ASCC2: variants seen among roughly 807,000 people sequenced by gnomAD.
ASCC2 encodes the protein activating signal cointegrator 1 complex subunit 2.
Under a neutral mutation model 93.5 loss-of-function variants are expected in ASCC2, and 42 were observed. That is an observed-to-expected ratio of 0.45 (90% CI 0.35 to 0.58). The LOEUF (loss-of-function observed/expected upper bound fraction) is 0.58, where lower values mean the gene tolerates loss of function less well. Among genes scored for constraint, ASCC2 ranks in the 20% least tolerant of loss-of-function variants. The pLI is 0.00. For missense variants in ASCC2, 859 were observed against 977.6 expected, an observed-to-expected ratio of 0.88 and a Z score of 1.62; for synonymous variants, 364 against 384.2, an observed-to-expected ratio of 0.95 and a Z score of 0.62.
At chr22:29,789,624 C>T (rs140149) in intron 19 of ASCC2, among the ~76,000 whole-genome samples, 46,140 of 152,122 alleles carry the variant, frequency 0.3, 8,267 homozygotes, top group East Asian at 0.59. Context: ...CCTTTCAGAC[C>T]ATCTTGACCA....
Position 29,793,345 on chromosome 22 carries a change from C to T in ASCC2, c.1919+15G>A, listed in dbSNP as rs967585697. On this transcript the variant is annotated intron_variant, in intron 17 of 19. Coordinates refer to ENST00000307790, the MANE Select transcript of ASCC2 (RefSeq NM_032204.5). Reference sequence around the variant, plus strand: ...GCTGCTCTGCCCTGGAACGCCACCCCCACTATGGCCTCACCTGCGGCTGAT... The same window carrying T: ...GCTGCTCTGCCCTGGAACGCCACCCTCACTATGGCCTCACCTGCGGCTGAT... 1 of 1,612,730 alleles carries T rather than the reference C, an allele frequency of 6.2e-7. No homozygotes were observed. Among genetic ancestry groups the T allele is most frequent in the Admixed American group, 1.7e-5 (1 of 60,028 alleles).
chr22:29,836,034 C>T (rs540916708), intron 1 of ASCC2, among the ~76,000 whole-genome samples: 1 of 152,086 alleles, frequency 6.6e-6, no homozygotes, highest in East Asian at 1.9e-4. Context: ...AGGTGGCTTC[C>T]GCCTGCAATC....
At position 29,825,186 on chromosome 22, in the gene ASCC2, C is replaced by G; in HGVS notation, c.312G>C (p.Glu104Asp). The change falls in exon 4 of 20, where the codon GAG becomes GAC. Residue 104 changes from glutamate (E) to aspartate (D), a missense_variant. Physicochemically the swap from Glu to Asp is conservative, Grantham distance 45 (BLOSUM62 2). Coordinates refer to ENST00000307790, the MANE Select transcript of ASCC2 (RefSeq NM_032204.5). This position sits in a 1 kb window ranked among gnomAD's most constrained non-coding sequence, Gnocchi z 4.9. ...CAACCTCAGGGGCTGAGGCCACCCC[C>G]TCGTCGAATTTGCGGGGGACATAGC... Reference protein sequence around the residue: ...YLRYVPRKFDEGVASAPEVVD... With the variant: ...YLRYVPRKFDDGVASAPEVVD... 1.3e-6 allele frequency: 2 copies of G among 1,565,072 alleles called. No homozygotes were observed. The highest frequency in any genetic ancestry group is 8.6e-7 in the Non-Finnish European group (1 of 1,156,834).
chr22:29,793,951 T>G (rs1402501768), intron 15 of ASCC2, among the ~76,000 whole-genome samples: 2 of 151,518 alleles, frequency 1.3e-5, no homozygotes, highest in African/African-American at 4.9e-5. Context: ...CAGGCTGCAG[T>G]GCAGTGGCAC....
At chr22:29,824,172 G>C (rs749780431) in intron 4 of ASCC2, among the ~76,000 whole-genome samples, 1 of 151,938 alleles carries the variant, frequency 6.6e-6, no homozygotes, top group Non-Finnish European at 1.5e-5. Flanking sequence ...TTGGGTGACA[G>C]AGATTCTCTA....
intron 16 of ASCC2, 29 bp downstream of exon 16, chr22:29,793,548 C>G: frequency 1.2e-6 from 2 of 1,613,624 alleles, no homozygotes; most frequent in Non-Finnish European, 1.7e-6. Context: ...TTTCCCTGGC[C>G]CAGCAGAGAC....
intron 2 of ASCC2, 35 bp downstream of exon 2, chr22:29,832,210 A>G (rs768771820): frequency 7.0e-6 from 11 of 1,560,948 alleles, no homozygotes; most frequent in Non-Finnish European, 8.8e-6. Flanking sequence ...AAGACTGACA[A>G]TATCAGGCTG....
At position 29,825,125 on chromosome 22, in the gene ASCC2, G is replaced by A; in HGVS notation, c.373C>T (p.Leu125Phe). Residue 125 changes from leucine to phenylalanine, a missense_variant, in exon 4 of 20, where the codon CTC becomes TTC. Coordinates refer to ENST00000307790, the MANE Select transcript of ASCC2 (RefSeq NM_032204.5). The surrounding 1 kb of genome is among the most constrained non-coding windows in gnomAD (Gnocchi z 4.9). ...MQKRLHRSVF[L>F]TFLRMSTHKE... ...TGAGTGGACATGCGGAGGAAGGTGAGAAAAACACTTCGATGGAGGCGCTTC... is the reference window on the plus strand; with the variant it reads ...TGAGTGGACATGCGGAGGAAGGTGAAAAAAACACTTCGATGGAGGCGCTTC... The A allele has an allele frequency of 1.3e-6, 2 of 1,531,212 alleles. No individual in the cohort carries two copies. Among genetic ancestry groups the A allele is most frequent in the Non-Finnish European group, 8.8e-7 (1 of 1,139,716 alleles). 94.9% of individuals were successfully genotyped at this position (1,531,212 alleles called of 1,614,324 possible).
intron 8 of ASCC2, among the ~76,000 whole-genome samples, chr22:29,811,699 G>A (rs1238771630): frequency 1.3e-5 from 2 of 152,186 alleles, no homozygotes; most frequent in African/African-American, 2.4e-5. Context: ...CTCACCCTGA[G>A]ATGGGTATAG....
chr22:29,814,833 C>G (rs1569404455), intron 6 of ASCC2, 66 bp from the exon 7 acceptor site: 1 of 1,347,978 alleles, frequency 7.4e-7, no homozygotes, highest in Non-Finnish European at 1.0e-6. Flanking sequence ...CTGGCAGCAG[C>G]CAGGGTCAGG....
At chr22:29,798,849 CT>C (rs2058750842) in intron 15 of ASCC2, among the ~76,000 whole-genome samples, 1 of 152,238 alleles carries the variant, frequency 6.6e-6, no homozygotes. Context: ...GCTACTAAAT[CT>C]CTTAATAAAT....
Position 29,789,996 on chromosome 22 carries a change from A to G in ASCC2, c.2102+473T>C, listed in dbSNP as rs1188370749. Among the ~76,000 whole-genome samples, 5 of 152,134 alleles carry G rather than the reference A, an allele frequency of 3.3e-5. No individual in the cohort carries two copies. The East Asian group carries it at 9.6e-4, about 29-fold the overall frequency. On this transcript the variant is annotated intron_variant, in intron 19 of 19. Coordinates refer to ENST00000307790, the MANE Select transcript of ASCC2 (RefSeq NM_032204.5). ...CCTGCTTTCTTACTTTTCTGCCCTC[A>G]TATGACAAACTCCTCTGAGCCCTTT...
intron 9 of ASCC2, 107 bp downstream of exon 9, chr22:29,808,003 TC>T: frequency 9.1e-7 from 1 of 1,095,336 alleles, no homozygotes; most frequent in Non-Finnish European, 1.4e-6. Context: ...CAGTCCCTGG[TC>T]CCACCCACTT....
intron 1 of ASCC2, 63 bp from the exon 2 acceptor site, chr22:29,832,405 T>C (rs2063262805): frequency 8.5e-6 from 11 of 1,298,636 alleles, no homozygotes; most frequent in Non-Finnish European, 1.2e-5. Context: ...CAGGGCCTGC[T>C]CTGGGGCTGA....
intron 15 of ASCC2, among the ~76,000 whole-genome samples, chr22:29,794,970 T>G (rs1569364040): frequency 6.6e-6 from 1 of 151,982 alleles, no homozygotes; most frequent in South Asian, 2.1e-4. Flanking sequence ...TTTTTTTTTT[T>G]GTTACAGGCT....
chr22:29,811,980 C>T (rs370210364), intron 8 of ASCC2, among the ~76,000 whole-genome samples: 3 of 152,132 alleles, frequency 2.0e-5, no homozygotes, highest in Non-Finnish European at 2.9e-5. Context: ...AGAAAAGATA[C>T]CTTTTTAAAA....
rs2061642277 is a variant in ASCC2 at position 29,822,126 on chromosome 22, G to A, written c.541+209C>T. 4 of 625,400 alleles carry A rather than the reference G, an allele frequency of 6.4e-6. No individual in the cohort carries two copies. The South Asian group carries it at 7.2e-5, about 11-fold the overall frequency. 38.7% of individuals were successfully genotyped at this position (625,400 alleles called of 1,614,324 possible). A position where few individuals can be genotyped will look rare whatever the true frequency, so the allele number is the denominator to read the frequency against. ...TTCCAGATCCCTGGGGAACTGTCTGGTACACAGTTTTATTTCCACCTCCCT... is the reference window on the plus strand; with the variant it reads ...TTCCAGATCCCTGGGGAACTGTCTGATACACAGTTTTATTTCCACCTCCCT... On this transcript the variant is annotated intron_variant, in intron 5 of 19. Transcript: ENST00000307790.
chr22:29,816,216 T>TCCTG, intron 5 of ASCC2, 143 bp from the exon 6 acceptor site: 3 of 714,830 alleles, frequency 4.2e-6, no homozygotes, highest in Non-Finnish European at 7.1e-6. Context: ...CTAGGACGAG[T>TCCTG]CCTGGCCCCA....
intron 5 of ASCC2, among the ~76,000 whole-genome samples, chr22:29,816,954 T>A (rs1051185847): frequency 1.3e-5 from 2 of 152,198 alleles, no homozygotes; most frequent in East Asian, 3.8e-4. Context: ...ATGCTCTGAA[T>A]TCTAGGTGTT....
Sources: gnomAD v4.1 joint callset for allele counts (sites outside exome capture counted in the v4.1 genomes callset) on GRCh38, gnomAD v4.1.1 for gene constraint, Gnocchi (gnomAD v3.1) non-coding constraint, MANE v1.5 for transcripts, NCBI Gene and HGNC (gene_info 2026-07-23, HGNC 2026-07-21) for gene names.